SMURF1: variants seen among roughly 807,000 people sequenced by gnomAD.
SMURF1 encodes E3 ubiquitin-protein ligase SMURF1.
In SMURF1, 44 loss-of-function variants were observed where a neutral mutation model predicts 98.0. The ratio of observed to expected loss-of-function variants is 0.45; its 90% CI spans 0.35 to 0.58. SMURF1 has a LOEUF of 0.58. Among genes scored for constraint, SMURF1 ranks in the 20% least tolerant of loss-of-function variants. The pLI, the probability that SMURF1 is intolerant of heterozygous loss-of-function variation, is 0.00. For synonymous variants in SMURF1, 396 were observed against 374.9 expected (o/e 1.06, Z -0.65); for missense variants, 687 against 938.4 (o/e 0.73, Z 3.50).
In SMURF1 at chr7:99,063,042, T is replaced by G. The variant is rs113689896; in HGVS notation, c.56-1205A>C. 8.6e-5 allele frequency among the ~76,000 whole-genome samples: 13 copies of G among 151,448 alleles called. 1 individual carries two copies. Among genetic ancestry groups the G allele is most frequent in the Non-Finnish European group, 1.5e-4 (10 of 67,934 alleles). The stretch of plus-strand genomic sequence containing the variant: ...TTTGTCTTTTGTACTGCTTCACAAA[T>G]TGTCCTCAATTTTAAGAATATTATG... On this transcript the variant is annotated intron_variant, in intron 1 of 17. Coordinates refer to ENST00000361368, the MANE Select transcript of SMURF1 (RefSeq NM_181349.3).
At chr7:99,059,096 A>G (rs941494184) in intron 3 of SMURF1, among the ~76,000 whole-genome samples, 8 of 150,750 alleles carry the variant, frequency 5.3e-5, no homozygotes, top group Non-Finnish European at 8.9e-5. Flanking sequence ...AAAAAAATTT[A>G]ATTTAATTTA....
intron 1 of SMURF1, among the ~76,000 whole-genome samples, chr7:99,133,157 CTA>C (rs1447185286): frequency 6.6e-5 from 10 of 152,206 alleles, no homozygotes; most frequent in Admixed American, 6.5e-4. Context: ...TGAAATCTGA[CTA>C]AGCTCTGGAT....
intron 1 of SMURF1, among the ~76,000 whole-genome samples, chr7:99,069,704 T>C (rs1490103503): frequency 8.8e-6 from 1 of 113,412 alleles, no homozygotes; most frequent in Non-Finnish European, 2.2e-5. Flanking sequence ...CAAATTTGCA[T>C]TGAAGGAAAA....
At chr7:99,065,818 TG>T (rs1796175651) in intron 1 of SMURF1, among the ~76,000 whole-genome samples, 1 of 151,954 alleles carries the variant, frequency 6.6e-6, no homozygotes, top group African/African-American at 2.4e-5. Flanking sequence ...GAGGCCGAGG[TG>T]GGAGGATCAC....
At chr7:99,041,991 A>G in intron 12 of SMURF1, 127 bp downstream of exon 12, 1 of 729,044 alleles carries the variant, frequency 1.4e-6, no homozygotes. Flanking sequence ...TTACCTCTCC[A>G]TGTTTTGCTT....
chr7:99,054,902 C>A (rs199528586), intron 5 of SMURF1, 37 bp from the exon 6 acceptor site: 19 of 1,578,878 alleles, frequency 1.2e-5, no homozygotes, highest in Non-Finnish European at 1.6e-5. Flanking sequence ...TAAAACCCAG[C>A]GGGGTTTACA....
At chr7:99,099,207 T>C (rs1041135567) in intron 1 of SMURF1, among the ~76,000 whole-genome samples, 1 of 148,328 alleles carries the variant, frequency 6.7e-6, no homozygotes, top group African/African-American at 2.6e-5. Context: ...CAAACACTAC[T>C]ACTTTTTTTT....
At chr7:99,045,671 GAGA>G (rs1426164596) in intron 11 of SMURF1, 24 bp downstream of exon 11, 2 of 1,567,368 alleles carry the variant, frequency 1.3e-6, no homozygotes, top group Non-Finnish European at 1.8e-6. Flanking sequence ...CCACACAGCA[GAGA>G]AGGTGAATGA....
chr7:99,062,906 T>C (rs75671044), intron 1 of SMURF1, among the ~76,000 whole-genome samples: 2,091 of 152,066 alleles, frequency 0.014, 17 homozygotes, highest in Middle Eastern at 0.041. Context: ...AAGGTTCTTA[T>C]TATTTTATTA....
At chr7:99,044,721 A>G (rs1403130906) in intron 11 of SMURF1, among the ~76,000 whole-genome samples, 1 of 152,278 alleles carries the variant, frequency 6.6e-6, no homozygotes, top group Non-Finnish European at 1.5e-5. Context: ...AAAAAGATCC[A>G]TATTACTAAA....
Position 99,054,812 on chromosome 7 carries a change from T to C in SMURF1, c.457A>G (p.Arg153Gly), listed in dbSNP as rs1795841189. The C allele has an allele frequency of 6.2e-7, 1 of 1,614,056 alleles. No homozygotes were observed. Among genetic ancestry groups the C allele is most frequent in the Non-Finnish European group, 8.5e-7 (1 of 1,179,994 alleles). ...TACCCTTCATTTTCTAACAGTCCTC[T>C]GCAGTCCACCACCGAGCCGCCGGTT... is the stretch of plus-strand genomic sequence containing the variant. ...IGTGGSVVDC[R>G]GLLENEGTVY... The change falls in exon 6 of 18, where the codon AGA (arginine) becomes GGA (glycine). Residue 153 changes from arginine to glycine, a missense_variant. Physicochemically the swap from Arg to Gly is moderately radical, Grantham distance 125. Around this residue, in one of 2 missense-constraint regions of SMURF1, gnomAD observed 415 missense variants for 508.4 expected, o/e 0.82. Coordinates refer to ENST00000361368, the MANE Select transcript of SMURF1 (RefSeq NM_181349.3).
rs992976220 is a variant in SMURF1, at chr7:99,085,353, CAAAAAAAAAA to C, written c.56-23526_56-23517del. 7.6e-3 allele frequency among the ~76,000 whole-genome samples: 400 copies of C among 52,316 alleles called. 7 individuals carry two copies. Among genetic ancestry groups the C allele is most frequent in the African/African-American group, 0.031 (389 of 12,398 alleles). 34.3% of individuals were successfully genotyped at this position (52,316 alleles called of 152,430 possible). The stretch of plus-strand genomic sequence containing the variant: ...GGGTGACAAGAGTGAAACTCCATCT[CAAAAAAAAAA>C]AAAAAAAAGAAAAGAAAAGAAAAGA... On this transcript the variant is annotated intron_variant, in intron 1 of 17. Transcript: ENST00000361368.
chr7:99,086,770 T>A (rs1796689879), intron 1 of SMURF1, among the ~76,000 whole-genome samples: 1 of 152,172 alleles, frequency 6.6e-6, no homozygotes, highest in Admixed American at 6.5e-5. Context: ...CCAACGTAAG[T>A]GCACCTAGAA....
At chr7:99,066,998 C>CTTTT (rs376242285) in intron 1 of SMURF1, among the ~76,000 whole-genome samples, 1 of 121,684 alleles carries the variant, frequency 8.2e-6, no homozygotes, top group Non-Finnish European at 1.7e-5. Context: ...ATTTTTTTTT[C>CTTTT]TTTTTTTTTT....
At chr7:99,039,803 C>T (rs968038770) in intron 13 of SMURF1, among the ~76,000 whole-genome samples, 1 of 152,206 alleles carries the variant, frequency 6.6e-6, no homozygotes, top group Non-Finnish European at 1.5e-5. Flanking sequence ...GTTTTGTCCC[C>T]GTGAAATCTG....
intron 1 of SMURF1, among the ~76,000 whole-genome samples, chr7:99,076,762 T>C (rs1796467851): frequency 1.3e-5 from 2 of 152,210 alleles, no homozygotes; most frequent in Non-Finnish European, 2.9e-5. Context: ...AATTGGGGAA[T>C]CTGGACGTGT....
At chr7:99,128,406 A>C (rs887179834) in intron 1 of SMURF1, among the ~76,000 whole-genome samples, 4 of 152,092 alleles carry the variant, frequency 2.6e-5, no homozygotes, top group South Asian at 4.1e-4. Context: ...AAGCCTTTAC[A>C]AAAAAAACAG....
intron 1 of SMURF1, among the ~76,000 whole-genome samples, chr7:99,063,498 C>T (rs1796117136): frequency 6.6e-6 from 1 of 150,692 alleles, no homozygotes; most frequent in Non-Finnish European, 1.5e-5. Context: ...CTATGTTGCC[C>T]AGGCTGGTCC....
At chr7:99,083,548 A>G (rs1243466482) in intron 1 of SMURF1, among the ~76,000 whole-genome samples, 3 of 152,248 alleles carry the variant, frequency 2.0e-5, no homozygotes, top group African/African-American at 4.8e-5. Flanking sequence ...TAACCTACCC[A>G]TTATAAACAA....
Sources: gnomAD v4.1 joint callset for allele counts (sites outside exome capture counted in the v4.1 genomes callset) on GRCh38, gnomAD v4.1.1 for gene constraint, gnomAD v4.1.1 regional missense constraint, MANE v1.5 for transcripts, NCBI Gene and HGNC (gene_info 2026-07-23, HGNC 2026-07-21) for gene names.